The following IQCE variants were observed in gnomAD, a reference collection of about 807,000 sequenced individuals.
The protein encoded by IQCE is IQ motif containing E, also known as IQ domain-containing protein E.
A neutral mutation model predicts 96.0 loss-of-function variants in IQCE; 115 were observed. That is an observed-to-expected ratio of 1.20 (90% CI 1.03 to 1.40). IQCE has a LOEUF of 1.40. Ranked by LOEUF, IQCE falls within the 40% of genes most tolerant of loss-of-function variation. The pLI is 0.00. For synonymous variants in IQCE, 412 were observed against 371.2 expected (o/e 1.11, Z -1.26); for missense variants, 1,041 against 909.1 (o/e 1.15, Z -1.87).
intron 14 of IQCE, among the ~76,000 whole-genome samples, chr7:2,591,245 T>C (rs1325863747): frequency 6.6e-6 from 1 of 151,520 alleles, no homozygotes; most frequent in African/African-American, 2.4e-5. Flanking sequence ...AGTGAGACTC[T>C]GTCTCAAAAA....
At chr7:2,577,688 G>T (rs1475538473) in intron 6 of IQCE, among the ~76,000 whole-genome samples, 2 of 84,522 alleles carry the variant, frequency 2.4e-5, no homozygotes, top group African/African-American at 4.9e-5. Flanking sequence ...CGGCGTGCAC[G>T]CATTGGCGTG....
chr7:2,602,923 C>A (rs980042050), intron 18 of IQCE, among the ~76,000 whole-genome samples: 5 of 152,230 alleles, frequency 3.3e-5, no homozygotes, highest in African/African-American at 1.2e-4. Context: ...GCGCCCTCCA[C>A]GAGCAGACAG....
chr7:2,560,800 AC>A (rs1275300968), intron 1 of IQCE, among the ~76,000 whole-genome samples: 21 of 151,446 alleles, frequency 1.4e-4, no homozygotes, highest in Admixed American at 8.5e-4. Context: ...TACTACAAAT[AC>A]AAAAAATTAG....
rs1259352325 is a variant in IQCE at position 2,584,153 on chromosome 7, A to G, written c.775-83A>G. On this transcript the variant is annotated intron_variant, in intron 10 of 21. Transcript: ENST00000402050. ...CCGCTTCTGGCCGTAGGCAGCGGTC[A>G]GGACTGTGATGTTGGTCTTTTCAGA... The G allele has an allele frequency of 7.4e-6, 9 of 1,213,840 alleles. No homozygotes were observed. The Middle Eastern group carries it at 9.5e-4, about 128-fold the overall frequency. 75.2% of individuals were successfully genotyped at this position (1,213,840 alleles called of 1,614,324 possible). A position where few individuals can be genotyped will look rare whatever the true frequency, so the allele number is the denominator to read the frequency against.
chr7:2,565,097 CGTGTGTGTGTGTGA>C (rs1781264528), intron 1 of IQCE, among the ~76,000 whole-genome samples: 1 of 148,008 alleles, frequency 6.8e-6, no homozygotes, highest in African/African-American at 2.5e-5. Context: ...CGTGTGTGTG[CGTGTGTGTGTGTGA>C]GTGCATGTGT....
At chr7:2,577,686 A>C (rs370105070) in intron 6 of IQCE, among the ~76,000 whole-genome samples, 61 of 21,728 alleles carry the variant, frequency 2.8e-3, no homozygotes, top group African/African-American at 4.7e-3. Context: ...TGCGGCGTGC[A>C]CGCATTGGCG....
Position 2,573,423 on chromosome 7 carries a change from G to A in IQCE, c.400G>A (p.Val134Ile). Residue 134 changes from valine (V) to isoleucine (I), a missense_variant, in exon 6 of 22, where the codon GTC becomes ATC. Coordinates refer to ENST00000402050, the MANE Select transcript of IQCE (RefSeq NM_152558.5). The part of the protein sequence containing the change: ...HLRRSASNGH[V>I]PGTPVYREKE... The stretch of plus-strand genomic sequence containing the variant: ...ATTTGTTTATGTTTCTCTAGGTCAT[G>A]TCCCTGGGACTCCTGTCTACAGAGA... 6.9e-7 allele frequency: 1 copy of A among 1,446,618 alleles called. No homozygotes were observed. The highest frequency in any genetic ancestry group is 1.4e-5 in the African/African-American group (1 of 71,728). 89.6% of individuals were successfully genotyped at this position (1,446,618 alleles called of 1,614,324 possible).
intron 14 of IQCE, among the ~76,000 whole-genome samples, chr7:2,591,669 G>A (rs1456478159): frequency 6.8e-6 from 1 of 147,198 alleles, no homozygotes; most frequent in Non-Finnish European, 1.5e-5. Context: ...TGCCCAGGCT[G>A]GAGTTTAGTG....
At chr7:2,571,502 G>T in intron 3 of IQCE, 24 bp from the exon 4 acceptor site, 1 of 1,604,874 alleles carries the variant, frequency 6.2e-7, no homozygotes, top group South Asian at 1.1e-5. Context: ...CGGCACCTCT[G>T]AATCCACGTG....
chr7:2,594,982 G>A lies in IQCE; in HGVS notation c.1440+6G>A. The A allele has an allele frequency of 1.3e-6, 2 of 1,596,108 alleles. No homozygotes were observed. The highest frequency in any genetic ancestry group is 1.1e-5 in the South Asian group (1 of 90,728). On this transcript the variant is annotated splice_donor_region_variant and intron_variant, in intron 16 of 21. Transcript: ENST00000402050. ...GCCCGGAAGTTCCTCATAAGGTACAGTGACCATTCAGTTGAGTCTCCCGTC... is the reference window on the plus strand; with the variant it reads ...GCCCGGAAGTTCCTCATAAGGTACAATGACCATTCAGTTGAGTCTCCCGTC...
intron 21 of IQCE, among the ~76,000 whole-genome samples, chr7:2,609,190 A>AG (rs1192817110): frequency 6.6e-6 from 1 of 152,116 alleles, no homozygotes; most frequent in Non-Finnish European, 1.5e-5. Context: ...GGAACGCTCT[A>AG]GATGCTTAGG....
In IQCE at chr7:2,559,008, CG is replaced by C. The variant is rs1354476198; in HGVS notation, c.-173del. On this transcript the variant is annotated 5_prime_UTR_variant, in exon 1 of 22. It removes the in-frame stop codon of an upstream open reading frame in the 5' UTR. Transcript: ENST00000402050. ...ACGCGCATGGTCGCCCCAGGGGGAA[CG>C]CAGGTCGCTTACCCGGCTGGGTAGG... 5.7e-6 allele frequency: 2 copies of C among 350,352 alleles called. No homozygotes were observed. The highest frequency in any genetic ancestry group is 4.3e-5 in the African/African-American group (2 of 46,266). 21.7% of individuals were successfully genotyped at this position (350,352 alleles called of 1,614,324 possible).
In IQCE at chr7:2,590,703, T is replaced by G. The variant is rs538948234; in HGVS notation, c.1244+597T>G. Reference sequence around the variant, plus strand: ...TCACTTGAGCCCAAGAGTTCGAGGCTGCAGTGAGCTATGATCATGTCACTG... The same window carrying G: ...TCACTTGAGCCCAAGAGTTCGAGGCGGCAGTGAGCTATGATCATGTCACTG... On this transcript the variant is annotated intron_variant, in intron 14 of 21. Coordinates refer to ENST00000402050, the MANE Select transcript of IQCE (RefSeq NM_152558.5). 3.3e-4 allele frequency among the ~76,000 whole-genome samples: 50 copies of G among 152,272 alleles called. 1 individual carries two copies. Among genetic ancestry groups the G allele is most frequent in the African/African-American group, 1.1e-3 (44 of 41,564 alleles).
intron 18 of IQCE, among the ~76,000 whole-genome samples, chr7:2,603,151 A>C (rs1305186411): frequency 1.3e-5 from 2 of 152,214 alleles, no homozygotes; most frequent in African/African-American, 4.8e-5. Context: ...ATCCTCCAGC[A>C]GCCCTCAGGC....
At chr7:2,582,019 G>A (rs762259641) in intron 8 of IQCE, 4 of 465,234 alleles carry the variant, frequency 8.6e-6, no homozygotes, top group African/African-American at 8.0e-5. Context: ...GCAAAAGAAT[G>A]TTCTTTAAAG....
At position 2,611,047 on chromosome 7, in the gene IQCE, C is replaced by T. The variant is rs1315038724; in HGVS notation, c.*885C>T. 6.6e-6 allele frequency: 1 copy of T among 151,210 alleles called. No individual in the cohort carries two copies. The highest frequency in any genetic ancestry group is 1.5e-5 in the Non-Finnish European group (1 of 68,200). The allele number at this position is 151,210 out of a possible 1,614,324, so 9.4% of individuals were successfully genotyped here. A position where few individuals can be genotyped will look rare whatever the true frequency, so the allele number is the denominator to read the frequency against. ...CATAGGCTCGTGGTGGGGCGTGTTG[C>T]ATCTGGTGTCTGGGACAGTCCCCGT... On this transcript the variant is annotated 3_prime_UTR_variant, in exon 22 of 22. Transcript: ENST00000402050.
chr7:2,565,316 GC>G (rs1781293624), intron 1 of IQCE, among the ~76,000 whole-genome samples: 2 of 152,172 alleles, frequency 1.3e-5, no homozygotes, highest in South Asian at 4.2e-4. Context: ...GGATCCTTGG[GC>G]TGTTGTGTGA....
chr7:2,584,964 A>G (rs772008629), intron 11 of IQCE, among the ~76,000 whole-genome samples: 9 of 152,196 alleles, frequency 5.9e-5, no homozygotes, highest in Non-Finnish European at 1.3e-4. Flanking sequence ...AGAGTTATAA[A>G]GTCTCCATGA....
chr7:2,587,107 C>G (rs1783184020), intron 12 of IQCE, among the ~76,000 whole-genome samples: 1 of 152,184 alleles, frequency 6.6e-6, no homozygotes, highest in Non-Finnish European at 1.5e-5. Context: ...CTTAGGGAAA[C>G]TGCAGAGAGG....
Sources: allele counts gnomAD v4.1 joint callset (sites outside exome capture counted in the v4.1 genomes callset), GRCh38; gene constraint gnomAD v4.1.1; transcripts MANE v1.5; gene names NCBI Gene and HGNC (gene_info 2026-07-23, HGNC 2026-07-21).